DHRS7C: variants seen among roughly 807,000 people sequenced by gnomAD.
DHRS7C encodes the protein dehydrogenase/reductase 7C.
A neutral mutation model predicts 29.6 loss-of-function variants in DHRS7C; 28 were observed. That is an observed-to-expected ratio of 0.95 (90% confidence interval 0.70 to 1.30). The LOEUF is 1.30. Ranked by LOEUF, DHRS7C falls within the 50% of genes most tolerant of loss-of-function variation. The pLI is 0.00. For missense variants in DHRS7C, 403 were observed against 393.3 expected (o/e 1.02, Z -0.21); for synonymous variants, 158 against 160.2 (o/e 0.99, Z 0.10).
chr17:9,784,343 G>T (rs939821914), intron 1 of DHRS7C, among the ~76,000 whole-genome samples: 2 of 152,078 alleles, frequency 1.3e-5, no homozygotes, highest in Non-Finnish European at 2.9e-5. Flanking sequence ...ATGGTGGTGG[G>T]TGCCTGTAGT....
intron 1 of DHRS7C, among the ~76,000 whole-genome samples, chr17:9,784,051 C>T (rs2066408827): frequency 6.7e-6 from 1 of 150,334 alleles, no homozygotes; most frequent in African/African-American, 2.5e-5. Context: ...AATATAAAAA[C>T]ATAACCAAAA....
intron 4 of DHRS7C, among the ~76,000 whole-genome samples, 160 bp downstream of exon 4, chr17:9,777,033 A>C (rs1422522901): frequency 6.6e-6 from 1 of 152,182 alleles, no homozygotes; most frequent in Admixed American, 6.5e-5. Context: ...TAGGTGCTCA[A>C]AAAAATAGGA....
intron 1 of DHRS7C, among the ~76,000 whole-genome samples, chr17:9,786,340 T>TAA: frequency 7.1e-6 from 1 of 141,552 alleles, no homozygotes; most frequent in South Asian, 2.2e-4. Context: ...ATAATAATAA[T>TAA]AATAATAATA....
chr17:9,773,132 C>CGG (rs2066341410), intron 4 of DHRS7C, among the ~76,000 whole-genome samples: 2 of 152,248 alleles, frequency 1.3e-5, no homozygotes, highest in Non-Finnish European at 1.5e-5. Flanking sequence ...AGCTTAGCCA[C>CGG]TTGCTGGTGG....
intron 1 of DHRS7C, among the ~76,000 whole-genome samples, 186 bp from the exon 2 acceptor site, chr17:9,781,780 A>G (rs527888748): frequency 1.3e-5 from 2 of 152,312 alleles, no homozygotes; most frequent in South Asian, 4.1e-4. Flanking sequence ...GCCTCTGCTT[A>G]GTTGCTTCCG....
chr17:9,771,500 C>T lies in DHRS7C; in HGVS notation c.924G>A (p.Pro308=), dbSNP rs765722412. 81 of 1,534,896 alleles carry T rather than the reference C, an allele frequency of 5.3e-5. No homozygotes were observed. The highest frequency in any genetic ancestry group is 6.8e-5 in the Non-Finnish European group (77 of 1,137,646). The stretch of plus-strand genomic sequence containing the variant: ...TGGCCTCCTGCAGTTACCCCTCCTC[C>T]GGGACATTGAGCTTCTCCTTCACCC... ...ACGVKEKLNV[P]EEG is the part of the protein sequence containing the mutation. The change falls in exon 6 of 6, where the codon CCG becomes CCA. Residue 308 remains proline (P), a synonymous_variant. Coordinates refer to ENST00000571134, the MANE Select transcript of DHRS7C (RefSeq NM_001105571.3).
intron 1 of DHRS7C, among the ~76,000 whole-genome samples, chr17:9,788,872 C>T (rs948181792): frequency 1.6e-4 from 24 of 152,074 alleles, no homozygotes; most frequent in African/African-American, 5.8e-4. Context: ...AGTACCGGGA[C>T]TTTATTTTTT....
intron 1 of DHRS7C, among the ~76,000 whole-genome samples, chr17:9,788,717 C>T (rs986515412): frequency 2.0e-5 from 3 of 152,164 alleles, no homozygotes; most frequent in African/African-American, 7.2e-5. Flanking sequence ...GGGTGTGCAG[C>T]GGCTGTGCAC....
At chr17:9,779,446 G>A (rs1340797899) in intron 3 of DHRS7C, among the ~76,000 whole-genome samples, 1 of 152,166 alleles carries the variant, frequency 6.6e-6, no homozygotes, top group African/African-American at 2.4e-5. Flanking sequence ...GTTAGAAGCA[G>A]GTCAACCACA....
intron 1 of DHRS7C, among the ~76,000 whole-genome samples, chr17:9,783,572 T>C (rs1276634568): frequency 6.6e-6 from 1 of 152,174 alleles, no homozygotes; most frequent in Admixed American, 6.5e-5. Context: ...GCAGTTCAAG[T>C]CTAGATAGAA....
rs2066347848 is a variant in DHRS7C, at chr17:9,774,126, C to T, written c.572-1204G>A. Among the ~76,000 whole-genome samples, 2 of 152,198 alleles carry T rather than the reference C, an allele frequency of 1.3e-5. No homozygotes were observed. The highest frequency in any genetic ancestry group is 4.8e-5 in the African/African-American group (2 of 41,446). ...ACCAGCTTGTTTTTCATTCATCCAC[C>T]ATCTCCTTGATTCCTTCAGTCATTC... On this transcript the variant is annotated intron_variant, in intron 4 of 5. Transcript: ENST00000571134. This position sits in a 1 kb window ranked among gnomAD's most constrained non-coding sequence, Gnocchi z 5.0.
At chr17:9,771,754 G>C (rs1444533467) in intron 5 of DHRS7C, 58 bp from the exon 6 acceptor site, 1 of 1,340,564 alleles carries the variant, frequency 7.5e-7, no homozygotes, top group Non-Finnish European at 9.6e-7. Flanking sequence ...CGGCTGGTCA[G>C]AGCCCTGCAC....
At chr17:9,785,018 T>C (rs2066415957) in intron 1 of DHRS7C, among the ~76,000 whole-genome samples, 1 of 152,266 alleles carries the variant, frequency 6.6e-6, no homozygotes, top group Non-Finnish European at 1.5e-5. Context: ...TACATATCTA[T>C]ATGTAAAAAT....
At chr17:9,786,139 A>G (rs2066421934) in intron 1 of DHRS7C, among the ~76,000 whole-genome samples, 1 of 151,980 alleles carries the variant, frequency 6.6e-6, no homozygotes, top group Non-Finnish European at 1.5e-5. Flanking sequence ...CCTGGCTAAC[A>G]TGGTGAAACC....
chr17:9,771,717 G>T (rs372444237), intron 5 of DHRS7C, 21 bp from the exon 6 acceptor site: 2 of 1,430,078 alleles, frequency 1.4e-6, no homozygotes, highest in Non-Finnish European at 1.8e-6. Context: ...CCAGTTGGGG[G>T]CGGGGGTTAT....
rs1022175557 is a variant in DHRS7C, at chr17:9,775,360, C to T, written c.571+1833G>A. On this transcript the variant is annotated intron_variant, in intron 4 of 5. Transcript: ENST00000571134. The surrounding 1 kb of genome is among the most constrained non-coding windows in gnomAD (Gnocchi z 4.2). The stretch of plus-strand genomic sequence containing the variant: ...CCCCCAGGTGGACTGCACTTCCCAG[C>T]GTCCCTTGCACTTAGGTGCGACTGA... 1.3e-5 allele frequency among the ~76,000 whole-genome samples: 2 copies of T among 152,190 alleles called. No homozygotes were observed. The highest frequency in any genetic ancestry group is 2.9e-5 in the Non-Finnish European group (2 of 68,036).
rs370428296 is a variant in DHRS7C at position 9,779,917 on chromosome 17, A to C, written c.386T>G (p.Val129Gly). ...CTTATGGGCAGGCCCCTTCACCTTC[A>C]CACTGGCATTGTTGATGAGGATGTC... ...CVDILINNAS[V>G]KVKGPAHKIS... The change falls in exon 3 of 6, where the codon GTG (valine) becomes GGG (glycine). Residue 129 changes from valine to glycine, a missense_variant. By Grantham distance (109) the Val-to-Gly change is moderately radical. Coordinates refer to ENST00000571134, the MANE Select transcript of DHRS7C (RefSeq NM_001105571.3). The C allele has an allele frequency of 4.2e-5, 67 of 1,613,928 alleles. No individual in the cohort carries two copies. Among genetic ancestry groups the C allele is most frequent in the Non-Finnish European group, 5.7e-5 (67 of 1,179,886 alleles).
chr17:9,779,600 C>T (rs2066381928), intron 3 of DHRS7C, among the ~76,000 whole-genome samples: 1 of 152,114 alleles, frequency 6.6e-6, no homozygotes, highest in Admixed American at 6.5e-5. Context: ...AGAGGGGTTT[C>T]ACAGAGATGG....
rs2066384654 is a variant in DHRS7C, at chr17:9,779,998, T to A, written c.305A>T (p.Asp102Val). 6.2e-7 allele frequency: 1 copy of A among 1,613,892 alleles called. No homozygotes were observed. The change falls in exon 3 of 6, where the codon GAC becomes GTC. Residue 102 changes from aspartate to valine, a missense_variant. Physicochemically the swap from Asp to Val is radical, Grantham distance 152. Transcript: ENST00000571134. Reference protein sequence around the residue: ...TPKLVLLDLSDISCVPDVAKE... With the variant: ...TPKLVLLDLSVISCVPDVAKE... ...TGCCACATCTGGGACACAGCTGATG[T>A]CTGAGAGGTCCAACAGGACCAGCTT...
Sources: allele counts gnomAD v4.1 joint callset (sites outside exome capture counted in the v4.1 genomes callset), GRCh38; gene constraint gnomAD v4.1.1; non-coding constraint Gnocchi (gnomAD v3.1); transcripts MANE v1.5; gene names NCBI Gene and HGNC (gene_info 2026-07-23, HGNC 2026-07-21).